Variants in ADK observed in about 807,000 individuals in gnomAD.
The protein encoded by ADK is N6,N6-dimethyladenosine kinase.
A neutral mutation model predicts 44.7 loss-of-function variants in ADK; 24 were observed. That is an observed-to-expected ratio of 0.54 (90% CI 0.39 to 0.76). The LOEUF (loss-of-function observed/expected upper bound fraction) is 0.76. Ranked by LOEUF, ADK falls within the 30% of genes least tolerant of loss-of-function variation. The pLI, the probability that ADK is intolerant of heterozygous loss-of-function variation, is 0.00. For missense variants in ADK, 321 were observed against 425.1 expected (o/e 0.76, Z 2.15); for synonymous variants, 128 against 142.6 (o/e 0.90, Z 0.73).
Position 74,394,206 on chromosome 10 carries a change from G to C in ADK, c.339G>C (p.Gly113=). 6.2e-7 allele frequency: 1 copy of C among 1,614,018 alleles called. No individual in the cohort carries two copies. The highest frequency in any genetic ancestry group is 8.5e-7 in the Non-Finnish European group (1 of 1,179,968). The part of the protein sequence containing the change: ...FFGCIGIDKF[G]EILKRKAAEA... Reference sequence around the variant, plus strand: ...GATGCATTGGGATAGATAAATTTGGGGAGATCCTGAAGAGAAAAGCTGCTG... The same window carrying C: ...GATGCATTGGGATAGATAAATTTGGCGAGATCCTGAAGAGAAAAGCTGCTG... Residue 113 remains glycine, a synonymous_variant, in exon 5 of 11, where the codon GGG becomes GGC. Coordinates refer to ENST00000539909, the MANE Select transcript of ADK (RefSeq NM_006721.4).
intron 4 of ADK, among the ~76,000 whole-genome samples, chr10:74,356,017 T>G (rs950687471): frequency 9.2e-5 from 11 of 119,468 alleles, no homozygotes; most frequent in South Asian, 2.7e-4. Flanking sequence ...TTTTTTTTTT[T>G]TTTTTTTTTT....
chr10:74,455,253 C>T lies in ADK; in HGVS notation c.555+56674C>T, dbSNP rs149555051. Reference sequence around the variant, plus strand: ...CCATGGTGGTTCATGCCTATAATCCCAACACTTTACGAGGCTGAGGTGGGA... The same window carrying T: ...CCATGGTGGTTCATGCCTATAATCCTAACACTTTACGAGGCTGAGGTGGGA... On this transcript the variant is annotated intron_variant, in intron 6 of 10. Transcript: ENST00000539909. Among the ~76,000 whole-genome samples, 913 of 152,034 alleles carry T rather than the reference C, an allele frequency of 6.0e-3. 11 individuals carry two copies. Among genetic ancestry groups the T allele is most frequent in the African/African-American group, 0.02 (817 of 41,462 alleles).
At chr10:74,394,409 A>T in intron 5 of ADK, 96 bp downstream of exon 5, 1 of 1,151,666 alleles carries the variant, frequency 8.7e-7, no homozygotes. Context: ...TGACTTTATA[A>T]TTCCTTTTAA....
At chr10:74,226,028 C>G (rs1248531746) in intron 3 of ADK, among the ~76,000 whole-genome samples, 1 of 152,056 alleles carries the variant, frequency 6.6e-6, no homozygotes, top group South Asian at 2.1e-4. Context: ...TGTTTTAATT[C>G]ATTTGAAAGT....
At chr10:74,294,542 C>T (rs951162088) in intron 3 of ADK, among the ~76,000 whole-genome samples, 49 of 152,144 alleles carry the variant, frequency 3.2e-4, no homozygotes, top group African/African-American at 1.2e-3. Context: ...CTGCCTTGGC[C>T]TCCCAAAGTA....
At position 74,601,936 on chromosome 10, in the gene ADK, A is replaced by T. The variant is rs902016337; in HGVS notation, c.877+1443A>T. 4.9e-5 allele frequency among the ~76,000 whole-genome samples: 7 copies of T among 143,222 alleles called. No individual in the cohort carries two copies. The East Asian group carries it at 6.2e-4, about 13-fold the overall frequency. The allele number at this position is 143,222 out of a possible 152,430, so 94.0% of individuals were successfully genotyped here. ...CAAGACTTCATCTCTACAAAAAAAA[A>T]TGGAAAAAAAAAAAAAATTAGCTGA... On this transcript the variant is annotated intron_variant, in intron 9 of 10. Coordinates refer to ENST00000539909, the MANE Select transcript of ADK (RefSeq NM_006721.4).
At chr10:74,229,428 C>T (rs1401916114) in intron 3 of ADK, among the ~76,000 whole-genome samples, 3 of 130,698 alleles carry the variant, frequency 2.3e-5, no homozygotes, top group South Asian at 2.4e-4. Flanking sequence ...GATGGAGTCT[C>T]GCTCTGTCGC....
chr10:74,468,274 G>T (rs1846430938), intron 6 of ADK, among the ~76,000 whole-genome samples: 1 of 152,148 alleles, frequency 6.6e-6, no homozygotes, highest in South Asian at 2.1e-4. Context: ...ACCCATTAGG[G>T]ATTGTTTTTG....
At chr10:74,286,107 C>A (rs1398389111) in intron 3 of ADK, among the ~76,000 whole-genome samples, 1 of 152,022 alleles carries the variant, frequency 6.6e-6, no homozygotes, top group Non-Finnish European at 1.5e-5. Flanking sequence ...GGCTAGAGTG[C>A]AGGAGCATGA....
chr10:74,527,581 G>A, intron 7 of ADK: 1 of 763,906 alleles, frequency 1.3e-6, no homozygotes, highest in Admixed American at 1.7e-5. Flanking sequence ...GGAGGATAAC[G>A]AGATAGCTGC....
intron 9 of ADK, among the ~76,000 whole-genome samples, chr10:74,638,141 T>C (rs1853681240): frequency 6.6e-6 from 1 of 152,206 alleles, no homozygotes; most frequent in Non-Finnish European, 1.5e-5. Flanking sequence ...TGTCTTGATA[T>C]TTAGAGTCCT....
At chr10:74,688,144 G>C (rs1388803754) in intron 10 of ADK, among the ~76,000 whole-genome samples, 1 of 152,162 alleles carries the variant, frequency 6.6e-6, no homozygotes, top group African/African-American at 2.4e-5. Context: ...GTACAGTGGA[G>C]TTTACTTTGC....
intron 1 of ADK, among the ~76,000 whole-genome samples, chr10:74,157,287 A>T (rs558892049): frequency 2.0e-5 from 3 of 152,336 alleles, no homozygotes; most frequent in African/African-American, 7.2e-5. Flanking sequence ...ATTACTTAGA[A>T]AATTAACACA....
chr10:74,464,742 G>A (rs1165213895), intron 6 of ADK, among the ~76,000 whole-genome samples: 5 of 151,970 alleles, frequency 3.3e-5, no homozygotes, highest in African/African-American at 1.2e-4. Flanking sequence ...CAACATTTTT[G>A]GAAGCCACGA....
At chr10:74,578,575 A>T (rs1851275034) in intron 7 of ADK, among the ~76,000 whole-genome samples, 1 of 152,200 alleles carries the variant, frequency 6.6e-6, no homozygotes, top group Admixed American at 6.5e-5. Context: ...ATAAGACTTT[A>T]TAAAAACAGG....
At chr10:74,172,353 T>G (rs1842186157) in intron 1 of ADK, among the ~76,000 whole-genome samples, 1 of 152,040 alleles carries the variant, frequency 6.6e-6, no homozygotes, top group Non-Finnish European at 1.5e-5. Flanking sequence ...TGCCTTGGTC[T>G]CCCTCAGTGC....
chr10:74,485,453 C>A (rs1016807971), intron 6 of ADK, among the ~76,000 whole-genome samples: 2 of 146,026 alleles, frequency 1.4e-5, no homozygotes, highest in Admixed American at 7.1e-5. Flanking sequence ...CAGAGTGAGA[C>A]CCTGTCTCAA....
chr10:74,583,340 T>C (rs922372601), intron 7 of ADK, among the ~76,000 whole-genome samples: 2 of 152,184 alleles, frequency 1.3e-5, no homozygotes, highest in Non-Finnish European at 2.9e-5. Flanking sequence ...TTTAATACTC[T>C]TATTTTAGTG....
intron 9 of ADK, among the ~76,000 whole-genome samples, chr10:74,624,378 T>G (rs897474159): frequency 6.6e-6 from 1 of 152,134 alleles, no homozygotes; most frequent in Non-Finnish European, 1.5e-5. Context: ...TTTTAAACCT[T>G]TCTGTGTTTT....
Sources: allele counts gnomAD v4.1 joint callset (sites outside exome capture counted in the v4.1 genomes callset), GRCh38; gene constraint gnomAD v4.1.1; transcripts MANE v1.5; gene names NCBI Gene and HGNC (gene_info 2026-07-23, HGNC 2026-07-21).